The following THSD7B variants were observed in gnomAD, a reference collection of about 807,000 sequenced individuals.
THSD7B encodes thrombospondin type 1 domain containing 7B.
THSD7B carries 138 observed loss-of-function variants against 213.6 expected under a neutral mutation model. The ratio of observed to expected loss-of-function variants is 0.65; its 90% confidence interval spans 0.56 to 0.74. The LOEUF is 0.74. Among genes scored for constraint, THSD7B ranks in the 30% least tolerant of loss-of-function variants. The probability of loss-of-function intolerance (pLI) is 0.00; values close to 1 mark genes in which losing one functional copy is unlikely to be tolerated. For missense variants in THSD7B, 1,931 were observed against 1,991.5 expected (o/e 0.97, Z 0.58); for synonymous variants, 742 against 687.0 (o/e 1.08, Z -1.25).
intron 1 of THSD7B, among the ~76,000 whole-genome samples, chr2:136,785,801 C>T (rs556946053): frequency 6.6e-6 from 1 of 152,290 alleles, no homozygotes; most frequent in South Asian, 2.1e-4. Flanking sequence ...TGGTCTTAAA[C>T]CACGTTGTGT....
At chr2:137,438,563 T>C (rs1478657954) in intron 14 of THSD7B, among the ~76,000 whole-genome samples, 3 of 152,074 alleles carry the variant, frequency 2.0e-5, no homozygotes, top group Non-Finnish European at 4.4e-5. Context: ...CCAACAAAAC[T>C]GTATTTACAA....
intron 1 of THSD7B, among the ~76,000 whole-genome samples, chr2:136,851,999 C>T (rs1262143916): frequency 6.6e-6 from 1 of 151,778 alleles, no homozygotes; most frequent in South Asian, 2.1e-4. Flanking sequence ...ATCTTATTCC[C>T]TGTTGATAAG....
intron 12 of THSD7B, among the ~76,000 whole-genome samples, chr2:137,319,088 A>G (rs895712718): frequency 2.0e-5 from 3 of 152,056 alleles, no homozygotes; most frequent in African/African-American, 7.2e-5. Context: ...ATCTTTACTC[A>G]GGGTATAATA....
At chr2:137,399,861 CA>C (rs1686310013) in intron 12 of THSD7B, among the ~76,000 whole-genome samples, 1 of 152,034 alleles carries the variant, frequency 6.6e-6, no homozygotes, top group Non-Finnish European at 1.5e-5. Context: ...TACATAGTTC[CA>C]AACATCTTAA....
At chr2:137,287,594 A>G (rs1408842292) in intron 12 of THSD7B, among the ~76,000 whole-genome samples, 1 of 152,148 alleles carries the variant, frequency 6.6e-6, no homozygotes, top group Non-Finnish European at 1.5e-5. Context: ...TAAGGCAGTG[A>G]TGCTTTAGTA....
chr2:137,531,290 T>G (rs1361118519), intron 15 of THSD7B, among the ~76,000 whole-genome samples: 2 of 151,936 alleles, frequency 1.3e-5, no homozygotes, highest in Non-Finnish European at 2.9e-5. Flanking sequence ...CTACAATTAA[T>G]CATGGCAATT....
chr2:137,173,429 T>G (rs1045116901), intron 7 of THSD7B, among the ~76,000 whole-genome samples: 1 of 152,320 alleles, frequency 6.6e-6, no homozygotes, highest in East Asian at 1.9e-4. Context: ...TCCACTTGGC[T>G]AGGAACTTCT....
At chr2:137,140,599 A>AT (rs34934188) in intron 5 of THSD7B, among the ~76,000 whole-genome samples, 102,250 of 151,852 alleles carry the variant, frequency 0.67, 36,354 homozygotes, top group Non-Finnish European at 0.78. Flanking sequence ...ATTATTCTTA[A>AT]TTTTTTGCCA....
chr2:137,619,912 T>C (rs1481604827), intron 19 of THSD7B, among the ~76,000 whole-genome samples: 2 of 152,212 alleles, frequency 1.3e-5, no homozygotes, highest in Admixed American at 6.5e-5. Context: ...ATAACACATG[T>C]TGAATGTCAA....
At chr2:137,652,338 T>C (rs1157692130) in intron 21 of THSD7B, among the ~76,000 whole-genome samples, 1 of 152,144 alleles carries the variant, frequency 6.6e-6, no homozygotes, top group Non-Finnish European at 1.5e-5. Flanking sequence ...CTCTGATTTG[T>C]AGACTATTTT....
intron 14 of THSD7B, among the ~76,000 whole-genome samples, chr2:137,420,227 AC>A (rs1162275526): frequency 6.6e-6 from 1 of 151,792 alleles, no homozygotes; most frequent in Non-Finnish European, 1.5e-5. Context: ...CCCACTCTGA[AC>A]TCCAGCAGTC....
At chr2:137,159,202 A>G (rs10191164) in intron 5 of THSD7B, among the ~76,000 whole-genome samples, 19,599 of 151,968 alleles carry the variant, frequency 0.13, 1,925 homozygotes, top group African/African-American at 0.27. Context: ...GAGGCTGATG[A>G]AGGCAGATTG....
rs116602863 is a variant in THSD7B, at chr2:137,079,274, A to G, written c.951-15599A>G. Among the ~76,000 whole-genome samples the G allele has an allele frequency of 2.4e-3, 358 of 152,228 alleles. 3 individuals are homozygous for G. The highest frequency in any genetic ancestry group is 8.4e-3 in the African/African-American group (349 of 41,552). ...ATTGATTATATTTTTTAGTTTTTTTATAATCTTTACTATTTTTCTTCAGTT... is the reference window on the plus strand; with the variant it reads ...ATTGATTATATTTTTTAGTTTTTTTGTAATCTTTACTATTTTTCTTCAGTT... On this transcript the variant is annotated intron_variant, in intron 3 of 27. Transcript: ENST00000409968.
chr2:137,037,053 A>G (rs1231028624), intron 2 of THSD7B, among the ~76,000 whole-genome samples: 1 of 152,164 alleles, frequency 6.6e-6, no homozygotes, highest in Non-Finnish European at 1.5e-5. Context: ...AAGCCTTTGT[A>G]CATTGGTTAG....
rs1172038136 is a variant in THSD7B, at chr2:137,649,535, A to G, written c.3946-5966A>G. 3.3e-5 allele frequency among the ~76,000 whole-genome samples: 5 copies of G among 152,222 alleles called. No homozygotes were observed. In the East Asian group the frequency reaches 9.6e-4, roughly 29 times the overall value. On this transcript the variant is annotated intron_variant, in intron 21 of 27. Coordinates refer to ENST00000409968, the MANE Select transcript of THSD7B (RefSeq NM_001316349.2). ...CCCGGTAATATTTATTGAAGAGACTATCCTTTCCCCACTGCATGTTCTTGG... is the reference window on the plus strand; with the variant it reads ...CCCGGTAATATTTATTGAAGAGACTGTCCTTTCCCCACTGCATGTTCTTGG...
chr2:137,231,263 G>T, intron 8 of THSD7B, 28 bp downstream of exon 8: 1 of 1,565,788 alleles, frequency 6.4e-7, no homozygotes, highest in Non-Finnish European at 8.7e-7. Flanking sequence ...TTTTCACTTT[G>T]GATTCATTAG....
intron 1 of THSD7B, among the ~76,000 whole-genome samples, chr2:136,835,566 G>A (rs1249967083): frequency 6.6e-6 from 1 of 152,082 alleles, no homozygotes; most frequent in African/African-American, 2.4e-5. Context: ...TCAGCAAGCT[G>A]ACTTTTATAC....
chr2:137,097,549 C>G (rs1484164378), intron 4 of THSD7B, among the ~76,000 whole-genome samples: 1 of 152,030 alleles, frequency 6.6e-6, no homozygotes, highest in Non-Finnish European at 1.5e-5. Context: ...AAGATATGCA[C>G]TAAGATAAGG....
rs77476790 is a variant in THSD7B, at chr2:137,598,615, A to G, written c.3424-17560A>G. 5.4e-3 allele frequency among the ~76,000 whole-genome samples: 817 copies of G among 152,332 alleles called. 5 individuals are homozygous for G. The highest frequency in any genetic ancestry group is 0.019 in the African/African-American group (787 of 41,578). ...TTAAGGGTTACACGTTTCCCTATAA[A>G]TGGCTTGTTGTGAATAATGTAAATG... On this transcript the variant is annotated intron_variant, in intron 17 of 27. Coordinates refer to ENST00000409968, the MANE Select transcript of THSD7B (RefSeq NM_001316349.2).
Sources: allele counts gnomAD v4.1 joint callset (sites outside exome capture counted in the v4.1 genomes callset), GRCh38; gene constraint gnomAD v4.1.1; transcripts MANE v1.5; gene names NCBI Gene and HGNC (gene_info 2026-07-23, HGNC 2026-07-21).